The following NAALADL2 variants were observed in gnomAD, a reference collection of about 807,000 sequenced individuals.
NAALADL2 encodes the protein inactive N-acetylated-alpha-linked acidic dipeptidase-like protein 2.
A neutral mutation model predicts 87.2 loss-of-function variants in NAALADL2; 76 were observed. The observed-to-expected ratio is 0.87, with a 90% CI of 0.72 to 1.05. NAALADL2 has a LOEUF of 1.05. Ranked by LOEUF, NAALADL2 falls within the 50% of genes least tolerant of loss-of-function variation. The pLI, the probability that NAALADL2 is intolerant of heterozygous loss-of-function variation, is 0.00. For synonymous variants in NAALADL2, 354 were observed against 331.0 expected (o/e 1.07, Z -0.75); for missense variants, 1,089 against 945.8 (o/e 1.15, Z -1.99).
intron 4 of NAALADL2, among the ~76,000 whole-genome samples, chr3:175,313,255 T>C (rs1228897080): frequency 2.6e-5 from 4 of 152,152 alleles, no homozygotes; most frequent in Non-Finnish European, 2.9e-5. Context: ...TTCTGAAGTA[T>C]ACTAGATGTC....
chr3:174,892,608 A>C (rs1429056166), intron 1 of NAALADL2, among the ~76,000 whole-genome samples: 2 of 152,140 alleles, frequency 1.3e-5, no homozygotes, highest in African/African-American at 4.8e-5. Context: ...AAACTTAGAG[A>C]AAAATATCAA....
chr3:175,082,978 A>G (rs1718175766), intron 1 of NAALADL2, among the ~76,000 whole-genome samples: 1 of 152,212 alleles, frequency 6.6e-6, no homozygotes, highest in Non-Finnish European at 1.5e-5. Context: ...ATTTTCTCAC[A>G]TAGATCTCTT....
At chr3:174,482,047 A>G (rs1380445024) in intron 1 of NAALADL2, among the ~76,000 whole-genome samples, 1 of 152,108 alleles carries the variant, frequency 6.6e-6, no homozygotes, top group Non-Finnish European at 1.5e-5. Flanking sequence ...ATACCAGCCA[A>G]GGTCTGACTT....
intron 1 of NAALADL2, among the ~76,000 whole-genome samples, chr3:174,903,028 T>A (rs1358818167): frequency 1.3e-5 from 2 of 152,126 alleles, no homozygotes; most frequent in Non-Finnish European, 2.9e-5. Flanking sequence ...ACAGTTGTAT[T>A]CTTAATATAA....
rs574067754 is a variant in NAALADL2 at position 175,184,769 on chromosome 3, TC to T, written c.546-49159del. On this transcript the variant is annotated intron_variant, in intron 2 of 13. Coordinates refer to ENST00000454872, the MANE Select transcript of NAALADL2 (RefSeq NM_207015.3). Reference sequence around the variant, plus strand: ...ACTGACTGGCATTTACTAGCTATATTCCCTTAGGCAAGTTACCGAACCTCTG... The same window carrying T: ...ACTGACTGGCATTTACTAGCTATATTCCTTAGGCAAGTTACCGAACCTCTG... Among the ~76,000 whole-genome samples the T allele has an allele frequency of 2.3e-3, 348 of 152,224 alleles. 2 individuals are homozygous for T. The highest frequency in any genetic ancestry group is 3.4e-3 in the Non-Finnish European group (232 of 67,960).
intron 2 of NAALADL2, among the ~76,000 whole-genome samples, chr3:175,126,813 G>T (rs1213506595): frequency 6.7e-6 from 1 of 149,758 alleles, no homozygotes; most frequent in African/African-American, 2.4e-5. Context: ...AACCAAAAGG[G>T]ATTAAGTATT....
At chr3:174,756,425 A>G (rs976216196) in intron 3 of NAALADL2, among the ~76,000 whole-genome samples, 3 of 152,214 alleles carry the variant, frequency 2.0e-5, no homozygotes, top group Non-Finnish European at 2.9e-5. Flanking sequence ...CCTCTGCTCC[A>G]TCTACTGGAA....
intron 1 of NAALADL2, among the ~76,000 whole-genome samples, chr3:175,055,696 G>T (rs907631760): frequency 1.2e-4 from 18 of 152,158 alleles, no homozygotes; most frequent in African/African-American, 4.1e-4. Flanking sequence ...CATATTTCAG[G>T]CTCAGCGGTT....
chr3:175,364,186 C>T (rs1382239316), intron 5 of NAALADL2, among the ~76,000 whole-genome samples: 1 of 147,922 alleles, frequency 6.8e-6, no homozygotes, highest in African/African-American at 2.5e-5. Context: ...GCGTGCCCAC[C>T]ATCTCTCCTC....
intron 3 of NAALADL2, among the ~76,000 whole-genome samples, chr3:174,765,624 C>T (rs1295127243): frequency 6.6e-6 from 1 of 152,110 alleles, no homozygotes; most frequent in Non-Finnish European, 1.5e-5. Context: ...CTTCAAGATC[C>T]TTAGGAGTGA....
intron 1 of NAALADL2, among the ~76,000 whole-genome samples, chr3:174,987,004 C>G (rs1745967406): frequency 1.3e-5 from 2 of 152,120 alleles, no homozygotes; most frequent in South Asian, 4.1e-4. Flanking sequence ...ACTTGATAAT[C>G]TGGTTAAAAA....
intron 1 of NAALADL2, among the ~76,000 whole-genome samples, chr3:174,492,220 A>AGATC (rs945713450): frequency 1.3e-5 from 2 of 151,936 alleles, no homozygotes; most frequent in African/African-American, 4.8e-5. Context: ...CGGTGAGCCA[A>AGATC]GATCGCATCA....
At chr3:175,579,060 G>A (rs1386272823) in intron 10 of NAALADL2, among the ~76,000 whole-genome samples, 1 of 152,234 alleles carries the variant, frequency 6.6e-6, no homozygotes, top group Admixed American at 6.5e-5. Context: ...AAGAGTTAAA[G>A]TGAATAATTT....
intron 1 of NAALADL2, among the ~76,000 whole-genome samples, chr3:174,885,607 T>A (rs1381691108): frequency 6.6e-6 from 1 of 152,086 alleles, no homozygotes; most frequent in Non-Finnish European, 1.5e-5. Flanking sequence ...GAAGTAGAGT[T>A]CTTTGCATTT....
rs7629952 is a variant in NAALADL2 at position 174,667,890 on chromosome 3, A to G, written c.-114-69751A>G. On this transcript the variant is annotated intron_variant, in intron 2 of 3. Transcript: ENST00000434257. ...TAGTAATTCATTTTACTTTTCTTAG[A>G]AAAATGGGGGTACTCAGTTACAATT... is the stretch of plus-strand genomic sequence containing the variant. Among the ~76,000 whole-genome samples, 1,306 of 152,224 alleles carry G rather than the reference A, an allele frequency of 8.6e-3. 12 individuals carry two copies. The highest frequency in any genetic ancestry group is 0.03 in the African/African-American group (1,235 of 41,540).
intron 2 of NAALADL2, among the ~76,000 whole-genome samples, chr3:175,188,696 T>TA: frequency 6.6e-6 from 1 of 152,148 alleles, no homozygotes. Context: ...TGCTCCCTGC[T>TA]AACTGGTGCC....
chr3:175,300,452 C>T (rs2110213652), intron 4 of NAALADL2, among the ~76,000 whole-genome samples: 1 of 152,174 alleles, frequency 6.6e-6, no homozygotes, highest in East Asian at 1.9e-4. Context: ...ATAATTACTG[C>T]CTCAATTTCA....
intron 1 of NAALADL2, among the ~76,000 whole-genome samples, chr3:175,050,660 A>G (rs948896051): frequency 1.3e-5 from 2 of 152,296 alleles, no homozygotes; most frequent in Admixed American, 6.5e-5. Context: ...CCTATTGATG[A>G]TGTTAGTTGA....
At chr3:174,611,426 C>T (rs548797641) in intron 2 of NAALADL2, among the ~76,000 whole-genome samples, 126 of 152,150 alleles carry the variant, frequency 8.3e-4, no homozygotes, top group African/African-American at 3.0e-3. Context: ...TCTTATTGTA[C>T]AGTCTATGTC....
Sources: gnomAD v4.1 joint callset for allele counts (sites outside exome capture counted in the v4.1 genomes callset) on GRCh38, gnomAD v4.1.1 for gene constraint, MANE v1.5 for transcripts, NCBI Gene and HGNC (gene_info 2026-07-23, HGNC 2026-07-21) for gene names.